The following HPSE2 variants were observed in gnomAD, a reference collection of about 807,000 sequenced individuals.
HPSE2 encodes the protein heparanase 2 (inactive).
HPSE2 carries 38 observed loss-of-function variants against 60.5 expected under a neutral mutation model. The ratio of observed to expected loss-of-function variants is 0.63; its 90% CI spans 0.48 to 0.82. The LOEUF is 0.82. Among genes scored for constraint, HPSE2 ranks in the 40% least tolerant of loss-of-function variants. HPSE2 has a pLI of 0.00. For missense variants in HPSE2, 713 were observed against 740.4 expected (o/e 0.96, Z 0.43); for synonymous variants, 295 against 293.2 (o/e 1.01, Z -0.06).
At chr10:98,603,441 T>TTG (rs992924614) in intron 9 of HPSE2, among the ~76,000 whole-genome samples, 5 of 145,060 alleles carry the variant, frequency 3.4e-5, no homozygotes, top group Non-Finnish European at 7.4e-5. Context: ...GTTTTTTTGT[T>TTG]TTTTTTTTTG....
chr10:98,504,602 C>T (rs1342356597), intron 9 of HPSE2, among the ~76,000 whole-genome samples: 1 of 152,016 alleles, frequency 6.6e-6, no homozygotes, highest in Admixed American at 6.6e-5. Context: ...CTGGCTAACA[C>T]CATGAAACCT....
At chr10:98,570,715 T>G (rs906522032) in intron 9 of HPSE2, among the ~76,000 whole-genome samples, 1 of 152,100 alleles carries the variant, frequency 6.6e-6, no homozygotes, top group African/African-American at 2.4e-5. Context: ...TTTCTACAAA[T>G]GAGACCCTGG....
At chr10:99,049,827 T>A (rs2068450523) in intron 3 of HPSE2, among the ~76,000 whole-genome samples, 1 of 152,146 alleles carries the variant, frequency 6.6e-6, no homozygotes, top group Admixed American at 6.5e-5. Context: ...GGAGAAAATA[T>A]TTTTTGCAAA....
In HPSE2 at chr10:98,482,836, A is replaced by G. The variant is rs1941295251; in HGVS notation, c.1467-54T>C. ...AGATGGAAACAAAGTGGTCAGTTAG[A>G]TGCTTCTAAATAATTTATAGACTGT... On this transcript the variant is annotated intron_variant, in intron 10 of 11. Transcript: ENST00000370552. 13 of 1,575,456 alleles carry G rather than the reference A, an allele frequency of 8.3e-6. 1 individual carries two copies. Among genetic ancestry groups the G allele is most frequent in the Non-Finnish European group, 1.1e-5 (13 of 1,145,434 alleles).
At chr10:99,292,572 G>A in the HPSE2 span, among the ~76,000 whole-genome samples, 28 of 152,164 alleles carry the variant, frequency 1.8e-4, no homozygotes, top group African/African-American at 6.3e-4. Flanking sequence ...GAAAAATAAT[G>A]AGAACCACAA....
chr10:98,569,038 C>T (rs1589434530), intron 9 of HPSE2, among the ~76,000 whole-genome samples: 1 of 149,928 alleles, frequency 6.7e-6, no homozygotes, highest in African/African-American at 2.4e-5. Context: ...TGTTATATCT[C>T]AATAAAGTTG....
intron 3 of HPSE2, among the ~76,000 whole-genome samples, chr10:98,820,773 A>G (rs567135816): frequency 6.6e-6 from 1 of 152,320 alleles, no homozygotes; most frequent in African/African-American, 2.4e-5. Context: ...TCTCTGCATG[A>G]CAGCTATATC....
At chr10:99,253,561 C>T in the HPSE2 span, among the ~76,000 whole-genome samples, 1 of 151,998 alleles carries the variant, frequency 6.6e-6, no homozygotes, top group Non-Finnish European at 1.5e-5. Context: ...ATAATTTATA[C>T]TTAAGCCCTG....
chr10:99,257,637 C>T, the HPSE2 span, among the ~76,000 whole-genome samples: 3 of 152,156 alleles, frequency 2.0e-5, no homozygotes, highest in African/African-American at 7.2e-5. Context: ...ACTTCATTAG[C>T]AATTTTAATT....
chr10:98,844,029 A>T (rs1358463798), intron 3 of HPSE2, among the ~76,000 whole-genome samples: 1 of 152,174 alleles, frequency 6.6e-6, no homozygotes, highest in East Asian at 1.9e-4. Context: ...CTGGAGAGTT[A>T]CCCAGTGGCA....
the HPSE2 span, among the ~76,000 whole-genome samples, chr10:99,276,610 G>A: frequency 2.0e-5 from 3 of 150,602 alleles, no homozygotes; most frequent in African/African-American, 7.3e-5. Context: ...TTTAATCTAC[G>A]CTTGGAGTCT....
chr10:98,909,274 T>C (rs1953912600), intron 3 of HPSE2, among the ~76,000 whole-genome samples: 1 of 152,162 alleles, frequency 6.6e-6, no homozygotes, highest in South Asian at 2.1e-4. Context: ...ATTCTTTTCC[T>C]GTATTTTCCA....
intron 3 of HPSE2, among the ~76,000 whole-genome samples, chr10:98,990,655 A>T (rs1251618450): frequency 1.3e-5 from 2 of 152,230 alleles, no homozygotes; most frequent in Non-Finnish European, 2.9e-5. Flanking sequence ...GAACAACATG[A>T]TGTCAAATGA....
chr10:99,253,989 C>A, the HPSE2 span, among the ~76,000 whole-genome samples: 1 of 152,114 alleles, frequency 6.6e-6, no homozygotes, highest in African/African-American at 2.4e-5. Context: ...ATTAGCTCAG[C>A]CACTATGGAA....
intron 6 of HPSE2, among the ~76,000 whole-genome samples, chr10:98,651,649 A>G (rs1367882383): frequency 6.6e-6 from 1 of 152,160 alleles, no homozygotes; most frequent in African/African-American, 2.4e-5. Context: ...AAATATCAGC[A>G]TGTTATCTTC....
intron 9 of HPSE2, among the ~76,000 whole-genome samples, chr10:98,520,748 T>C (rs1942763267): frequency 6.6e-6 from 1 of 152,116 alleles, no homozygotes; most frequent in African/African-American, 2.4e-5. Context: ...GAAATACGAA[T>C]AAGAAAGAAT....
chr10:99,247,944 GT>G, the HPSE2 span, among the ~76,000 whole-genome samples: 1 of 152,160 alleles, frequency 6.6e-6, no homozygotes, highest in Non-Finnish European at 1.5e-5. Flanking sequence ...ATGATTGTAA[GT>G]TTCCTAAGGT....
intron 3 of HPSE2, among the ~76,000 whole-genome samples, chr10:99,106,984 C>T (rs1378228154): frequency 1.3e-5 from 2 of 152,114 alleles, no homozygotes; most frequent in Admixed American, 6.5e-5. Context: ...GATTCTCCTG[C>T]CTCAGCCTCC....
intron 2 of HPSE2, among the ~76,000 whole-genome samples, chr10:99,201,195 T>C (rs902302175): frequency 3.3e-5 from 5 of 152,150 alleles, no homozygotes; most frequent in Admixed American, 1.3e-4. Flanking sequence ...GCAACTCAAA[T>C]ACAAATAATT....
Sources: allele counts gnomAD v4.1 joint callset (sites outside exome capture counted in the v4.1 genomes callset), GRCh38; gene constraint gnomAD v4.1.1; transcripts MANE v1.5; gene names NCBI Gene and HGNC (gene_info 2026-07-23, HGNC 2026-07-21).